PTPN11: variants seen among roughly 807,000 people sequenced by gnomAD.
PTPN11 encodes the protein protein tyrosine phosphatase non-receptor type 11, also known as tyrosine-protein phosphatase non-receptor type 11.
In PTPN11, 6 loss-of-function variants were observed where a neutral mutation model predicts 78.8. The ratio of observed to expected loss-of-function variants is 0.08; its 90% CI spans 0.04 to 0.15. The LOEUF (loss-of-function observed/expected upper bound fraction) is 0.15, where lower values mean the gene tolerates loss of function less well. Ranked by LOEUF, PTPN11 falls within the 10% of genes least tolerant of loss-of-function variation. The pLI, the probability that PTPN11 is intolerant of heterozygous loss-of-function variation, is 1.00. For missense variants in PTPN11, 386 were observed against 744.8 expected (o/e 0.52, Z 5.61); for synonymous variants, 221 against 263.5 (o/e 0.84, Z 1.56).
Position 112,426,259 on chromosome 12 carries a change from C to CT in PTPN11, c.14+7144dup, listed in dbSNP as rs1013214576. Among the ~76,000 whole-genome samples, 185 of 150,200 alleles carry CT rather than the reference C, an allele frequency of 1.2e-3. 3 individuals carry two copies. The highest frequency in any genetic ancestry group is 2.2e-4 in the Non-Finnish European group (15 of 67,376). ...GACAGATAGTTCAGGTTTGTAAACT[C>CT]TTTTTTTTTTCTTTGAGACAGAGTT... On this transcript the variant is annotated intron_variant, in intron 1 of 15. Coordinates refer to ENST00000351677, the MANE Select transcript of PTPN11 (RefSeq NM_002834.5).
chr12:112,483,998 G>A (rs1259012818), intron 10 of PTPN11, among the ~76,000 whole-genome samples: 1 of 152,060 alleles, frequency 6.6e-6, no homozygotes, highest in Non-Finnish European at 1.5e-5. Flanking sequence ...GAGGGGAGGT[G>A]GGATGCAGAG....
chr12:112,452,976 A>G (rs1257218495), intron 3 of PTPN11, among the ~76,000 whole-genome samples: 1 of 152,156 alleles, frequency 6.6e-6, no homozygotes, highest in African/African-American at 2.4e-5. Context: ...CTGTGGACTC[A>G]TTTAAGAAGT....
intron 13 of PTPN11, 144 bp from the exon 14 acceptor site, chr12:112,502,000 T>TC (rs2038879382): frequency 1.5e-6 from 1 of 678,958 alleles, no homozygotes; most frequent in African/African-American, 1.8e-5. Flanking sequence ...AACAATTTGG[T>TC]CAATGTATCA....
At chr12:112,447,035 TA>T (rs1190893298) in intron 2 of PTPN11, among the ~76,000 whole-genome samples, 1 of 152,122 alleles carries the variant, frequency 6.6e-6, no homozygotes, top group Non-Finnish European at 1.5e-5. Context: ...TCAGCATTTT[TA>T]AAAAATATTT....
At chr12:112,449,437 G>A (rs1478700909) in intron 2 of PTPN11, among the ~76,000 whole-genome samples, 2 of 151,856 alleles carry the variant, frequency 1.3e-5, no homozygotes, top group Non-Finnish European at 2.9e-5. Flanking sequence ...AACCCGGGAC[G>A]TGGAGCTTGC....
intron 13 of PTPN11, among the ~76,000 whole-genome samples, chr12:112,497,811 G>A (rs1455378708): frequency 3.9e-5 from 6 of 152,270 alleles, no homozygotes; most frequent in African/African-American, 1.2e-4. Context: ...TATTTGGAGG[G>A]ACATGGAAGT....
intron 1 of PTPN11, among the ~76,000 whole-genome samples, chr12:112,438,218 C>T (rs1378456728): frequency 6.6e-6 from 1 of 152,062 alleles, no homozygotes; most frequent in East Asian, 1.9e-4. Context: ...CACTCACTGA[C>T]GTTTGGTATA....
Position 112,418,991 on chromosome 12 carries a change from G to T in PTPN11, c.-121G>T, listed in dbSNP as rs554487214. The T allele has an allele frequency of 1.6e-4, 208 of 1,305,746 alleles. 1 individual carries two copies. In the South Asian group the frequency reaches 2.4e-3, roughly 15 times the overall value. The allele number at this position is 1,305,746 out of a possible 1,614,324, so 80.9% of individuals were successfully genotyped here. ...CCTGGAGGGGGGTCTGTGCGCGGCCGGCTGGCTCTGCCCCGCGTCCGGTCC... is the reference window on the plus strand; with the variant it reads ...CCTGGAGGGGGGTCTGTGCGCGGCCTGCTGGCTCTGCCCCGCGTCCGGTCC... On this transcript the variant is annotated 5_prime_UTR_variant, in exon 1 of 16. Coordinates refer to ENST00000351677, the MANE Select transcript of PTPN11 (RefSeq NM_002834.5).
intron 7 of PTPN11, 140 bp from the exon 8 acceptor site, chr12:112,477,511 C>G: frequency 2.9e-6 from 2 of 690,184 alleles, no homozygotes; most frequent in Non-Finnish European, 2.5e-6. Context: ...GTTTTGCTTA[C>G]CTGGGCTTTA....
intron 10 of PTPN11, among the ~76,000 whole-genome samples, chr12:112,485,461 T>C (rs2135910869): frequency 6.6e-6 from 1 of 152,294 alleles, no homozygotes; most frequent in South Asian, 2.1e-4. Context: ...TCCTATTTGC[T>C]GGGCAGAGGC....
At chr12:112,430,021 T>A (rs2384021) in intron 1 of PTPN11, among the ~76,000 whole-genome samples, 1 of 151,942 alleles carries the variant, frequency 6.6e-6, no homozygotes, top group Non-Finnish European at 1.5e-5. Flanking sequence ...CATATCACAT[T>A]TTTCTTTTTT....
chr12:112,424,956 T>TTGTGTGTGTGTGTG (rs34463047), intron 1 of PTPN11, among the ~76,000 whole-genome samples: 6 of 89,052 alleles, frequency 6.7e-5, no homozygotes, highest in Non-Finnish European at 1.1e-4. Context: ...GTCAGGCTAA[T>TTGTGTGTGTGTGTG]TGTGTGTGTG....
chr12:112,444,344 T>C (rs2037956190), intron 1 of PTPN11, among the ~76,000 whole-genome samples: 1 of 152,048 alleles, frequency 6.6e-6, no homozygotes, highest in Non-Finnish European at 1.5e-5. Context: ...TTCCAAGTTT[T>C]TTTTTTTTCT....
chr12:112,491,904 G>T (rs574578877), intron 13 of PTPN11, among the ~76,000 whole-genome samples: 2 of 152,048 alleles, frequency 1.3e-5, no homozygotes, highest in East Asian at 3.9e-4. Flanking sequence ...ATGGAGCTTC[G>T]CCGTGTTGCC....
Position 112,472,992 on chromosome 12 carries a change from C to G in PTPN11, c.805C>G (p.Gln269Glu). 6.2e-7 allele frequency: 1 copy of G among 1,613,184 alleles called. No individual in the cohort carries two copies. Among genetic ancestry groups the G allele is most frequent in the Non-Finnish European group, 8.5e-7 (1 of 1,179,346 alleles). ...CKLLYSRKEGQRQENKNKNRY... is the reference protein window; with the variant it reads ...CKLLYSRKEGERQENKNKNRY... ...ACTTCTCTACAGCCGAAAAGAGGGT[C>G]AAAGGCAAGAAAACAAAAACAAAAA... The change falls in exon 7 of 16, where the codon CAA becomes GAA. Residue 269 changes from glutamine (Q) to glutamate (E), a missense_variant. By Grantham distance (29) the Gln-to-Glu change is conservative. This residue lies in a region of PTPN11 where 279 missense variants were observed against 503.3 expected (regional missense o/e 0.55). Coordinates refer to ENST00000351677, the MANE Select transcript of PTPN11 (RefSeq NM_002834.5).
At chr12:112,437,193 C>G (rs2037805941) in intron 1 of PTPN11, among the ~76,000 whole-genome samples, 1 of 152,220 alleles carries the variant, frequency 6.6e-6, no homozygotes, top group East Asian at 1.9e-4. Flanking sequence ...CTGTGTCACT[C>G]AGGCTGGAGT....
At chr12:112,493,702 A>G (rs1286765985) in intron 13 of PTPN11, among the ~76,000 whole-genome samples, 1 of 152,122 alleles carries the variant, frequency 6.6e-6, no homozygotes, top group Non-Finnish European at 1.5e-5. Flanking sequence ...TTACGTTAGT[A>G]TTAACTATAA....
At chr12:112,461,578 C>A (rs1012890136) in intron 6 of PTPN11, among the ~76,000 whole-genome samples, 4 of 152,266 alleles carry the variant, frequency 2.6e-5, no homozygotes, top group African/African-American at 9.6e-5. Context: ...CTTTCTACCT[C>A]AGCCTCCTGA....
chr12:112,459,332 TA>T lies in PTPN11; in HGVS notation c.756+3270del, dbSNP rs1344139733. On this transcript the variant is annotated intron_variant, in intron 6 of 15. Coordinates refer to ENST00000351677, the MANE Select transcript of PTPN11 (RefSeq NM_002834.5). ...AGAGAGAATGGGATAGTTATAGCAG[TA>T]TACCTGACACCCAGCATTAACAACT... Among the ~76,000 whole-genome samples, 15 of 152,112 alleles carry T rather than the reference TA, an allele frequency of 9.9e-5. 1 individual carries two copies. The highest frequency in any genetic ancestry group is 9.8e-4 in the Admixed American group (15 of 15,270).
Sources: allele counts gnomAD v4.1 joint callset (sites outside exome capture counted in the v4.1 genomes callset), GRCh38; gene constraint gnomAD v4.1.1; regional missense constraint gnomAD v4.1.1; transcripts MANE v1.5; gene names NCBI Gene and HGNC (gene_info 2026-07-23, HGNC 2026-07-21).